Variants in BTD observed in about 807,000 individuals in gnomAD.
BTD encodes the protein biotinidase, also known as biocytinase.
In BTD, 13 loss-of-function variants were observed where a neutral mutation model predicts 17.7. That is an observed-to-expected ratio of 0.74 (90% CI 0.48 to 1.17). The LOEUF is 1.17. BTD is among the 50% of genes most tolerant of loss of function. The pLI, the probability that BTD is intolerant of heterozygous loss-of-function variation, is 0.00. For synonymous variants in BTD, 240 were observed against 245.2 expected, an observed-to-expected ratio of 0.98 and a Z score of 0.20; for missense variants, 674 against 650.4, an observed-to-expected ratio of 1.04 and a Z score of -0.39.
Position 15,601,770 on chromosome 3 carries a change from G to A in BTD, c.-141G>A, listed in dbSNP as rs2064249955. Reference sequence around the variant, plus strand: ...AGGAGATTGCTGCCTATGCAAAGCAGGTAAGAAGCCGAACTCTGAGGCCTC... The same window carrying A: ...AGGAGATTGCTGCCTATGCAAAGCAAGTAAGAAGCCGAACTCTGAGGCCTC... On this transcript the variant is annotated 5_prime_UTR_variant, in exon 1 of 4. Transcript: ENST00000643237. The A allele has an allele frequency of 6.2e-7, 1 of 1,609,446 alleles. No homozygotes were observed. The highest frequency in any genetic ancestry group is 1.3e-5 in the African/African-American group (1 of 74,908).
rs2072416327 is a variant in BTD at position 15,712,313 on chromosome 3, A to G, written c.*2239A>G. 1.2e-5 allele frequency: 13 copies of G among 1,055,892 alleles called. No individual in the cohort carries two copies. The East Asian group carries it at 3.4e-4, about 28-fold the overall frequency. The allele number at this position is 1,055,892 out of a possible 1,614,324, so 65.4% of individuals were successfully genotyped here. A position where few individuals can be genotyped will look rare whatever the true frequency, so the allele number is the denominator to read the frequency against. ...ATTACAAAGAGACCACTTAAGTGAAAGATAACTAAGAGCCAAAATGTCTAA... is the reference window on the plus strand; with the variant it reads ...ATTACAAAGAGACCACTTAAGTGAAGGATAACTAAGAGCCAAAATGTCTAA... On this transcript the variant is annotated 3_prime_UTR_variant, in exon 4 of 4. Transcript: ENST00000672141.
At chr3:15,697,686 C>T (rs769011978) in intron 3 of BTD, among the ~76,000 whole-genome samples, 7 of 152,142 alleles carry the variant, frequency 4.6e-5, no homozygotes, top group Non-Finnish European at 1.0e-4. Context: ...CATTGATGTT[C>T]ATCAGGGATA....
intron 1 of BTD, among the ~76,000 whole-genome samples, chr3:15,611,041 T>G (rs997291161): frequency 6.6e-6 from 1 of 152,162 alleles, no homozygotes; most frequent in African/African-American, 2.4e-5. Flanking sequence ...AGCGTAAGTA[T>G]GTTCCAACAT....
intron 3 of BTD, 146 bp downstream of exon 3, chr3:15,642,203 C>T: frequency 6.6e-7 from 1 of 1,509,144 alleles, no homozygotes; most frequent in South Asian, 1.2e-5. Flanking sequence ...ATCCATGTGC[C>T]ACATGTTCAT....
downstream of BTD, among the ~76,000 whole-genome samples, chr3:15,716,448 C>T (rs934461373): frequency 2.0e-5 from 3 of 151,914 alleles, no homozygotes; most frequent in African/African-American, 2.4e-5. Flanking sequence ...TGTAACATTA[C>T]ACCTGGCTAA....
At chr3:15,675,952 C>T (rs1274769245) in intron 3 of BTD, 1 of 1,613,010 alleles carries the variant, frequency 6.2e-7, no homozygotes, top group Admixed American at 1.7e-5. Context: ...TCCTGAACCA[C>T]CATTGTTAGC....
rs1362685411 is a variant in BTD at position 15,649,463 on chromosome 3, C to G, written c.*3975C>G. On this transcript the variant is annotated 3_prime_UTR_variant, in exon 4 of 4. Coordinates refer to ENST00000643237, the MANE Select transcript of BTD (RefSeq NM_001370658.1). ...GTACCATCCTGCAGGTGGGCTGCCA[C>G]TCTGCTCAATCCAAATCACAGCTCT... Among the ~76,000 whole-genome samples, 1 of 152,230 alleles carries G rather than the reference C, an allele frequency of 6.6e-6. No homozygotes were observed. The highest frequency in any genetic ancestry group is 1.5e-5 in the Non-Finnish European group (1 of 68,040).
chr3:15,636,782 G>A (rs1211040381), intron 2 of BTD, among the ~76,000 whole-genome samples: 4 of 151,484 alleles, frequency 2.6e-5, no homozygotes, highest in Non-Finnish European at 1.5e-5. Flanking sequence ...TGTATGGGGT[G>A]GGGGGGTGTT....
intron 3 of BTD, chr3:15,685,577 G>C: frequency 1.2e-6 from 1 of 806,524 alleles, no homozygotes; most frequent in South Asian, 1.8e-5. Context: ...ATCATTTTAT[G>C]AGTAATTCTG....
chr3:15,691,046 C>A (rs937808308), intron 3 of BTD, among the ~76,000 whole-genome samples: 1 of 152,012 alleles, frequency 6.6e-6, no homozygotes, highest in Non-Finnish European at 1.5e-5. Flanking sequence ...TAACCGAGCC[C>A]TGCTTGAATA....
chr3:15,674,375 TCTA>T lies in BTD; in HGVS notation c.399+32319_399+32321del, dbSNP rs1295116118. On this transcript the variant is annotated intron_variant, in intron 3 of 3. Coordinates refer to the BTD transcript ENST00000672141. ...ATGAGTGAGAGGAATCAAGGATGAC[TCTA>T]GGGGTTTTGCCCTGAGCCACTGTTA... is the stretch of plus-strand genomic sequence containing the variant. 1.4e-4 allele frequency among the ~76,000 whole-genome samples: 15 copies of T among 109,182 alleles called. No homozygotes were observed. The South Asian group carries it at 5.7e-3, about 41-fold the overall frequency. 71.6% of individuals were successfully genotyped at this position (109,182 alleles called of 152,430 possible). A position where few individuals can be genotyped will look rare whatever the true frequency, so the allele number is the denominator to read the frequency against.
rs186008945 is a variant in BTD at position 15,625,168 on chromosome 3, G to A, written c.-16-10256G>A. On this transcript the variant is annotated intron_variant, in intron 1 of 3. Transcript: ENST00000643237. ...GGCATTTAATTGAAATGTGGTGGGA[G>A]GGAATGTGTTCTATTGTCTTTAGGG... 3.8e-4 allele frequency among the ~76,000 whole-genome samples: 58 copies of A among 152,324 alleles called. 1 individual carries two copies. The highest frequency in any genetic ancestry group is 3.5e-3 in the Admixed American group (53 of 15,298).
downstream of BTD, chr3:15,713,595 G>A (rs2072609459): frequency 6.2e-7 from 1 of 1,610,200 alleles, no homozygotes; most frequent in Admixed American, 1.7e-5. Flanking sequence ...GTGCTGCTAT[G>A]TGCAAAGGGG....
upstream of BTD, chr3:15,601,386 C>T: frequency 6.2e-7 from 1 of 1,614,140 alleles, no homozygotes; most frequent in Non-Finnish European, 8.5e-7. Flanking sequence ...ATCGTACTTG[C>T]GTTTTCAGGG....
At chr3:15,626,103 G>T (rs1316284953) in intron 1 of BTD, among the ~76,000 whole-genome samples, 1 of 152,102 alleles carries the variant, frequency 6.6e-6, no homozygotes, top group Admixed American at 6.5e-5. Context: ...TCTAACATTT[G>T]ATATTCAACT....
intron 1 of BTD, chr3:15,602,192 G>GC: frequency 7.2e-7 from 1 of 1,387,888 alleles, no homozygotes; most frequent in Non-Finnish European, 9.3e-7. Flanking sequence ...GTGTACCCCA[G>GC]CAAGAGATAA....
At position 15,601,771 on chromosome 3, in the gene BTD, G is replaced by GT; in HGVS notation, c.-139dup. ...GGAGATTGCTGCCTATGCAAAGCAG[G>GT]TAAGAAGCCGAACTCTGAGGCCTCT... On this transcript the variant is annotated 5_prime_UTR_variant, in exon 1 of 4. It removes the in-frame stop codon of an upstream open reading frame in the 5' UTR. Coordinates refer to ENST00000643237, the MANE Select transcript of BTD (RefSeq NM_001370658.1). The GT allele has an allele frequency of 6.2e-7, 1 of 1,609,858 alleles. No individual in the cohort carries two copies. The highest frequency in any genetic ancestry group is 8.5e-7 in the Non-Finnish European group (1 of 1,178,026).
chr3:15,688,744 TGATAC>T (rs1395726396), intron 3 of BTD, among the ~76,000 whole-genome samples: 1 of 152,222 alleles, frequency 6.6e-6, no homozygotes, highest in Admixed American at 6.5e-5. Flanking sequence ...CATCTGCCAG[TGATAC>T]GCAGTGGGTA....
intron 3 of BTD, among the ~76,000 whole-genome samples, chr3:15,705,967 C>T (rs777515217): frequency 2.0e-5 from 3 of 152,066 alleles, no homozygotes; most frequent in Non-Finnish European, 4.4e-5. Context: ...CAGCACTGCA[C>T]TCCACCCTGG....
Sources: allele counts gnomAD v4.1 joint callset (sites outside exome capture counted in the v4.1 genomes callset), GRCh38; gene constraint gnomAD v4.1.1; transcripts MANE v1.5; gene names NCBI Gene and HGNC (gene_info 2026-07-23, HGNC 2026-07-21).